Variants in OR10J1 observed in about 807,000 individuals in gnomAD.
OR10J1 encodes olfactory receptor 10J1.
For missense variants in OR10J1, 474 were observed against 376.6 expected (o/e 1.26, Z -2.14); for synonymous variants, 202 against 143.8 (o/e 1.40, Z -2.89).
the OR10J1 span, among the ~76,000 whole-genome samples, chr1:159,428,542 G>T: frequency 6.6e-6 from 1 of 152,106 alleles, no homozygotes; most frequent in Non-Finnish European, 1.5e-5. Flanking sequence ...CAAGATTAAT[G>T]ATTATTTCAA....
the OR10J1 span, among the ~76,000 whole-genome samples, chr1:159,408,285 A>G: frequency 3.3e-5 from 5 of 152,116 alleles, no homozygotes; most frequent in Non-Finnish European, 7.4e-5. Flanking sequence ...CTATGCAACC[A>G]TAAAAAATGA....
the OR10J1 span, among the ~76,000 whole-genome samples, chr1:159,402,293 C>T: frequency 6.6e-6 from 1 of 151,950 alleles, no homozygotes; most frequent in Non-Finnish European, 1.5e-5. Context: ...AAAGGGCATC[C>T]AAATTGGAAA....
At chr1:159,420,200 G>C in the OR10J1 span, among the ~76,000 whole-genome samples, 1 of 151,660 alleles carries the variant, frequency 6.6e-6, no homozygotes, top group Admixed American at 6.6e-5. Flanking sequence ...CTTACTTTCA[G>C]TCTACACGCT....
the OR10J1 span, among the ~76,000 whole-genome samples, chr1:159,401,840 T>G: frequency 6.6e-6 from 1 of 151,858 alleles, no homozygotes; most frequent in Non-Finnish European, 1.5e-5. Context: ...GATGCATAAA[T>G]CCTCAACAAA....
the OR10J1 span, among the ~76,000 whole-genome samples, chr1:159,399,542 G>A: frequency 1.6e-5 from 2 of 126,690 alleles, no homozygotes; most frequent in Non-Finnish European, 3.1e-5. Context: ...CTGCACTCCA[G>A]CCTGGGCGAT....
At chr1:159,432,090 A>G in the OR10J1 span, 1 of 399,030 alleles carries the variant, frequency 2.5e-6, no homozygotes, top group East Asian at 3.6e-5. Flanking sequence ...ACCCAGAGCT[A>G]CATGCCATTT....
chr1:159,439,642 C>CA, upstream of OR10J1: 1 of 898,046 alleles, frequency 1.1e-6, no homozygotes, highest in South Asian at 1.7e-5. Context: ...TAAGTAAACC[C>CA]AGGGATTAAC....
Position 159,440,242 on chromosome 1 carries a change from A to T in OR10J1, c.451A>T (p.Ile151Phe), listed in dbSNP as rs753618600. 5.0e-6 allele frequency: 8 copies of T among 1,614,152 alleles called. No homozygotes were observed. Among genetic ancestry groups the T allele is most frequent in the Non-Finnish European group, 6.8e-6 (8 of 1,180,014 alleles). The change falls in exon 1 of 1, where the codon ATT (isoleucine) becomes TTT (phenylalanine). Residue 151 changes from isoleucine to phenylalanine, a missense_variant. Coordinates refer to ENST00000423932, the MANE Select transcript of OR10J1 (RefSeq NM_012351.3). Reference sequence around the variant, plus strand: ...CCAACTTGTCCTGGGGGCCTGCAGCATTGGGCTGATTGTAGCAATAACGCA... The same window carrying T: ...CCAACTTGTCCTGGGGGCCTGCAGCTTTGGGCTGATTGTAGCAATAACGCA... ...RIQLVLGACSIGLIVAITQVT... is the reference protein window; with the variant it reads ...RIQLVLGACSFGLIVAITQVT...
the OR10J1 span, chr1:159,432,247 A>T: frequency 2.5e-6 from 1 of 400,858 alleles, no homozygotes. Context: ...TTTACATTTG[A>T]GGGTTTCTCC....
chr1:159,415,749 A>G, the OR10J1 span, among the ~76,000 whole-genome samples: 3 of 152,038 alleles, frequency 2.0e-5, no homozygotes, highest in Non-Finnish European at 4.4e-5. Flanking sequence ...AATGATATTA[A>G]TTATTTTAAG....
the OR10J1 span, among the ~76,000 whole-genome samples, chr1:159,414,877 T>C: frequency 6.6e-6 from 1 of 152,130 alleles, no homozygotes; most frequent in Non-Finnish European, 1.5e-5. Flanking sequence ...TTGTATATCT[T>C]CTTTTGAAAA....
chr1:159,412,920 A>G, the OR10J1 span, among the ~76,000 whole-genome samples: 2 of 151,956 alleles, frequency 1.3e-5, no homozygotes, highest in African/African-American at 4.8e-5. Flanking sequence ...ATGGGAGAAA[A>G]TTTTCACAAC....
the OR10J1 span, among the ~76,000 whole-genome samples, chr1:159,415,277 CT>C: frequency 1.3e-5 from 2 of 151,878 alleles, no homozygotes; most frequent in Non-Finnish European, 2.9e-5. Flanking sequence ...CACTTTTATT[CT>C]TCTGCATATG....
upstream of OR10J1, among the ~76,000 whole-genome samples, chr1:159,434,443 AT>A (rs1233571962): frequency 2.6e-5 from 4 of 152,290 alleles, no homozygotes; most frequent in East Asian, 7.7e-4. Flanking sequence ...TTTTCATAAA[AT>A]ACTTTGGTGC....
At position 159,440,316 on chromosome 1, in the gene OR10J1, C is replaced by T; in HGVS notation, c.525C>T (p.His175=). The change falls in exon 1 of 1, where the codon CAC becomes CAT. Residue 175 remains histidine, a synonymous_variant. Transcript: ENST00000423932. ...CCTTCTGTGCTAGAAAGGTGCCCCA[C>T]TTCTTCTGTGACATCCGCCCTGTGA... The part of the protein sequence containing the change: ...RLPFCARKVP[H]FFCDIRPVMK... 1 of 1,614,160 alleles carries T rather than the reference C, an allele frequency of 6.2e-7. No homozygotes were observed. Among genetic ancestry groups the T allele is most frequent in the East Asian group, 2.2e-5 (1 of 44,884 alleles).
the OR10J1 span, among the ~76,000 whole-genome samples, chr1:159,417,558 C>A: frequency 6.6e-6 from 1 of 152,168 alleles, no homozygotes; most frequent in Admixed American, 6.6e-5. Flanking sequence ...GTAAGACATG[C>A]CTTTCACTTT....
chr1:159,440,217 C>T lies in OR10J1; in HGVS notation c.426C>T (p.Ile142=), dbSNP rs76488331. Residue 142 remains isoleucine, a synonymous_variant, in exon 1 of 1, where the codon ATC becomes ATT. Transcript: ENST00000423932. ...TTATTATGAACAAGAGGCTGCGTAT[C>T]CAACTTGTCCTGGGGGCCTGCAGCA... The part of the protein sequence containing the change: ...YMVIMNKRLR[I]QLVLGACSIG... 2,116 of 1,614,142 alleles carry T rather than the reference C, an allele frequency of 1.3e-3. 29 individuals are homozygous for T. The East Asian group carries it at 0.023, about 18-fold the overall frequency.
chr1:159,405,874 G>T, the OR10J1 span: 1 of 685,714 alleles, frequency 1.5e-6, no homozygotes. Flanking sequence ...ATCACAAAAG[G>T]GCAGGCCAAA....
chr1:159,402,988 G>T, the OR10J1 span, among the ~76,000 whole-genome samples: 3 of 151,740 alleles, frequency 2.0e-5, no homozygotes, highest in Admixed American at 6.6e-5. Context: ...TTAAACAAAG[G>T]TACCTAGAAC....
Sources: gnomAD v4.1 joint callset for allele counts (sites outside exome capture counted in the v4.1 genomes callset) on GRCh38, gnomAD v4.1.1 for gene constraint, MANE v1.5 for transcripts, NCBI Gene and HGNC (gene_info 2026-07-23, HGNC 2026-07-21) for gene names.